Variants in SAMSN1 observed in about 807,000 individuals in gnomAD.
SAMSN1 encodes the protein SAM domain, SH3 domain and nuclear localization signals 1, also known as SAM domain-containing protein SAMSN-1.
SAMSN1 carries 31 observed loss-of-function variants against 42.0 expected under a neutral mutation model. The ratio of observed to expected loss-of-function variants is 0.74; its 90% CI spans 0.55 to 1.00. SAMSN1 has a LOEUF of 1.00. Ranked by LOEUF, SAMSN1 falls within the 50% of genes least tolerant of loss-of-function variation. The pLI is 0.00. For synonymous variants in SAMSN1, 178 were observed against 151.9 expected, an observed-to-expected ratio of 1.17 and a Z score of -1.26; for missense variants, 464 against 439.4, an observed-to-expected ratio of 1.06 and a Z score of -0.50.
intron 2 of SAMSN1, among the ~76,000 whole-genome samples, chr21:14,634,716 G>A (rs1313493866): frequency 6.6e-6 from 1 of 152,162 alleles, no homozygotes; most frequent in Non-Finnish European, 1.5e-5. Context: ...ACTGTTAGTG[G>A]GAATGTGAAT....
rs532826366 is a variant in SAMSN1, at chr21:14,558,186, C to T, written c.261+23950G>A. On this transcript the variant is annotated intron_variant, in intron 2 of 8. Transcript: ENST00000285670. ...GCTCAGGAAATGGTTGTTGAATAAA[C>T]GAATCGTCTCAACTGTATAGGTGTG... Among the ~76,000 whole-genome samples the T allele has an allele frequency of 4.6e-5, 7 of 152,224 alleles. No homozygotes were observed. The South Asian group carries it at 1.0e-3, about 23-fold the overall frequency.
At chr21:14,561,216 C>T (rs371428643) in intron 2 of SAMSN1, among the ~76,000 whole-genome samples, 135 of 152,130 alleles carry the variant, frequency 8.9e-4, no homozygotes, top group East Asian at 4.5e-3. Flanking sequence ...ACTCAGTGCC[C>T]GAGGACCATT....
intron 3 of SAMSN1, chr21:14,615,953 T>A (rs1166982249): frequency 8.7e-6 from 5 of 573,352 alleles, no homozygotes; most frequent in South Asian, 4.9e-5. Flanking sequence ...GAACATGAAG[T>A]TTACCAAGTA....
chr21:14,550,165 T>C (rs540137943), upstream of SAMSN1, among the ~76,000 whole-genome samples: 31 of 152,176 alleles, frequency 2.0e-4, no homozygotes, highest in Admixed American at 2.0e-4. Context: ...GGGATGGATA[T>C]TCCCCCTGGC....
At chr21:14,636,042 T>C (rs1170373319) in intron 2 of SAMSN1, among the ~76,000 whole-genome samples, 1 of 152,092 alleles carries the variant, frequency 6.6e-6, no homozygotes, top group Non-Finnish European at 1.5e-5. Flanking sequence ...TTCCCACCTA[T>C]GAGTGAGAAC....
At chr21:14,520,035 G>C (rs1181083704) in intron 2 of SAMSN1, among the ~76,000 whole-genome samples, 1 of 152,176 alleles carries the variant, frequency 6.6e-6, no homozygotes, top group Non-Finnish European at 1.5e-5. Context: ...TGGCAAAATA[G>C]ATATACTAAT....
chr21:14,540,628 A>T (rs2123140462), intron 1 of SAMSN1, among the ~76,000 whole-genome samples: 1 of 152,292 alleles, frequency 6.6e-6, no homozygotes, highest in Middle Eastern at 3.4e-3. Flanking sequence ...AAAAGTCAGG[A>T]AACAACAGGT....
At chr21:14,617,535 G>A (rs1982871068) in intron 2 of SAMSN1, among the ~76,000 whole-genome samples, 1 of 152,126 alleles carries the variant, frequency 6.6e-6, no homozygotes, top group Non-Finnish European at 1.5e-5. Context: ...CAAGCTCCAT[G>A]TTCCACAGTC....
At chr21:14,559,104 C>T (rs1175696798) in intron 2 of SAMSN1, among the ~76,000 whole-genome samples, 3 of 152,132 alleles carry the variant, frequency 2.0e-5, no homozygotes, top group Admixed American at 2.0e-4. Flanking sequence ...TTTGCCAACT[C>T]CTGTTTGTGC....
intron 5 of SAMSN1, among the ~76,000 whole-genome samples, chr21:14,501,620 A>C (rs1987156155): frequency 6.6e-6 from 1 of 152,230 alleles, no homozygotes; most frequent in African/African-American, 2.4e-5. Context: ...GTGCATCTGA[A>C]AAATTTATCT....
In SAMSN1 at chr21:14,582,083, G is replaced by C. The variant is rs888014126; in HGVS notation, c.261+53C>G. ...CACTTTTGCTATCTGTTTCTTTCCC[G>C]ACAGTACAAAACCCCAGATAAGATG... On this transcript the variant is annotated intron_variant, in intron 2 of 8. Coordinates refer to the SAMSN1 transcript ENST00000285670. 4.2e-6 allele frequency: 6 copies of C among 1,429,378 alleles called. No homozygotes were observed. The Admixed American group carries it at 1.6e-4, about 37-fold the overall frequency. The allele number at this position is 1,429,378 out of a possible 1,614,324, so 88.5% of individuals were successfully genotyped here. A position where few individuals can be genotyped will look rare whatever the true frequency, so the allele number is the denominator to read the frequency against.
At chr21:14,525,048 T>C (rs979518057) in intron 1 of SAMSN1, among the ~76,000 whole-genome samples, 1 of 152,196 alleles carries the variant, frequency 6.6e-6, no homozygotes, top group African/African-American at 2.4e-5. Flanking sequence ...ATCAACTAAA[T>C]AGTTGATGAG....
At chr21:14,491,338 A>G (rs375704050) in intron 7 of SAMSN1, among the ~76,000 whole-genome samples, 79 of 151,290 alleles carry the variant, frequency 5.2e-4, no homozygotes, top group African/African-American at 1.8e-3. Flanking sequence ...GAACTCTTGG[A>G]CTCAAGCAAT....
chr21:14,486,023 G>C lies in SAMSN1; in HGVS notation c.1011C>G (p.Asp337Glu). Residue 337 changes from aspartate to glutamate, a missense_variant, in exon 8 of 8, where the codon GAC (aspartate) becomes GAG (glutamate). Coordinates refer to ENST00000400566, the MANE Select transcript of SAMSN1 (RefSeq NM_022136.5). ...TTCCTGATGAGATATAGCAACCAGA[G>C]TCCCTTGGGCAGTCATCTAACTGTG... ...NKSQLDDCPR[D>E]SGCYISSGNS... 1 of 1,613,578 alleles carries C rather than the reference G, an allele frequency of 6.2e-7. No individual in the cohort carries two copies. The highest frequency in any genetic ancestry group is 1.1e-5 in the South Asian group (1 of 91,064).
At chr21:14,607,651 C>T (rs1262551513) in intron 5 of SAMSN1, among the ~76,000 whole-genome samples, 2 of 152,236 alleles carry the variant, frequency 1.3e-5, no homozygotes, top group Non-Finnish European at 2.9e-5. Context: ...ACAAAGCAAC[C>T]AGAAGTAACT....
Position 14,498,333 on chromosome 21 carries a change from C to T in SAMSN1, c.919+109G>A, listed in dbSNP as rs115777336. The T allele has an allele frequency of 1.7e-3, 1,464 of 869,208 alleles. 15 individuals are homozygous for T. The African/African-American group carries it at 0.023, about 14-fold the overall frequency. The allele number at this position is 869,208 out of a possible 1,614,324, so 53.8% of individuals were successfully genotyped here. A position where few individuals can be genotyped will look rare whatever the true frequency, so the allele number is the denominator to read the frequency against. ...TGAAAATACCTATTTTATGGGAAAG[C>T]GTGCTTTCATGATCTCAGTAAATAA... is the stretch of plus-strand genomic sequence containing the variant. On this transcript the variant is annotated intron_variant, in intron 7 of 7. Transcript: ENST00000400566.
intron 1 of SAMSN1, among the ~76,000 whole-genome samples, chr21:14,534,847 A>G (rs1187098192): frequency 2.0e-5 from 3 of 152,184 alleles, no homozygotes; most frequent in Admixed American, 2.0e-4. Context: ...GTTAAGAAAG[A>G]TCAAAGTAAG....
chr21:14,508,838 CTG>C (rs1987543705), intron 5 of SAMSN1, among the ~76,000 whole-genome samples: 1 of 152,172 alleles, frequency 6.6e-6, no homozygotes, highest in African/African-American at 2.4e-5. Context: ...GATAAAGAAA[CTG>C]TGGTATAGGC....
intron 2 of SAMSN1, among the ~76,000 whole-genome samples, chr21:14,580,966 A>T (rs1981691210): frequency 6.6e-6 from 1 of 151,836 alleles, no homozygotes; most frequent in Non-Finnish European, 1.5e-5. Context: ...AAAAAGTACC[A>T]CTCTTAAGTA....
Sources: gnomAD v4.1 joint callset for allele counts (sites outside exome capture counted in the v4.1 genomes callset) on GRCh38, gnomAD v4.1.1 for gene constraint, MANE v1.5 for transcripts, NCBI Gene and HGNC (gene_info 2026-07-23, HGNC 2026-07-21) for gene names.